Variants in NCALD observed in about 807,000 individuals in gnomAD.
NCALD encodes neurocalcin delta.
Under a neutral mutation model 18.6 loss-of-function variants are expected in NCALD, and 10 were observed. The observed-to-expected ratio is 0.54, with a 90% CI of 0.33 to 0.91. The LOEUF is 0.91. Among genes scored for constraint, NCALD ranks in the 40% least tolerant of loss-of-function variants. The pLI is 0.03. For missense variants in NCALD, 184 were observed against 247.6 expected (o/e 0.74, Z 1.72); for synonymous variants, 88 against 87.4 (o/e 1.01, Z -0.04).
At chr8:101,691,850 C>A in intron 3 of NCALD, 1 of 985,428 alleles carries the variant, frequency 1.0e-6, no homozygotes, top group Non-Finnish European at 1.2e-6. Flanking sequence ...GACCCAAGTG[C>A]CTGTGCACAT....
chr8:101,719,489 C>T lies in NCALD; in HGVS notation c.141G>A (p.Glu47=), dbSNP rs1816249801. ...AAAAGTTCCCATATATTTTCTTAAACTCTTCCATTGACAAATGTCCACTGG... is the reference window on the plus strand; with the variant it reads ...AAAAGTTCCCATATATTTTCTTAAATTCTTCCATTGACAAATGTCCACTGG... The part of the protein sequence containing the change: ...DCPSGHLSME[E]FKKIYGNFFP... The change falls in exon 2 of 4, where the codon GAG becomes GAA. Residue 47 remains glutamate, a synonymous_variant. Transcript: ENST00000220931. The T allele has an allele frequency of 6.2e-7, 1 of 1,614,222 alleles. No individual in the cohort carries two copies. Among genetic ancestry groups the T allele is most frequent in the Non-Finnish European group, 8.5e-7 (1 of 1,180,030 alleles).
chr8:102,001,978 A>C (rs1821491396), intron 2 of NCALD, among the ~76,000 whole-genome samples: 1 of 152,232 alleles, frequency 6.6e-6, no homozygotes, highest in Admixed American at 6.5e-5. Context: ...CTAATGAGCA[A>C]AATAACCAGC....
At chr8:101,996,230 C>G (rs187892294) in intron 2 of NCALD, among the ~76,000 whole-genome samples, 220 of 152,308 alleles carry the variant, frequency 1.4e-3, no homozygotes, top group Non-Finnish European at 2.5e-3. Flanking sequence ...TATTAGGAGC[C>G]ACATCTAACA....
At chr8:101,837,728 A>G (rs1315464814) in intron 4 of NCALD, among the ~76,000 whole-genome samples, 1 of 152,196 alleles carries the variant, frequency 6.6e-6, no homozygotes, top group Non-Finnish European at 1.5e-5. Context: ...GGAAATTACT[A>G]TGGACCTTTA....
intron 1 of NCALD, among the ~76,000 whole-genome samples, chr8:102,094,066 C>T (rs1376167878): frequency 6.6e-6 from 1 of 152,214 alleles, no homozygotes; most frequent in Non-Finnish European, 1.5e-5. Flanking sequence ...TCACCACCCC[C>T]TTCATGATGA....
At chr8:101,879,634 A>G (rs916062035) in intron 4 of NCALD, among the ~76,000 whole-genome samples, 1 of 152,178 alleles carries the variant, frequency 6.6e-6, no homozygotes, top group Non-Finnish European at 1.5e-5. Flanking sequence ...GGCCCCACCC[A>G]CATCCTGTTG....
At chr8:101,735,478 C>T (rs914462180) in intron 1 of NCALD, among the ~76,000 whole-genome samples, 9 of 150,994 alleles carry the variant, frequency 6.0e-5, no homozygotes, top group Non-Finnish European at 8.8e-5. Flanking sequence ...AGCCTCCCCT[C>T]TCAGGTCTGC....
intron 4 of NCALD, among the ~76,000 whole-genome samples, chr8:101,858,333 A>T (rs1815402967): frequency 6.6e-6 from 1 of 152,210 alleles, no homozygotes; most frequent in African/African-American, 2.4e-5. Context: ...AAAAGCCAGA[A>T]AAAGCTCAGG....
chr8:101,981,108 T>C (rs1348356538), intron 2 of NCALD, among the ~76,000 whole-genome samples: 2 of 152,270 alleles, frequency 1.3e-5, no homozygotes, highest in Non-Finnish European at 2.9e-5. Context: ...GTTTTATCTC[T>C]GCAATCAGAT....
At chr8:101,914,433 G>C (rs1055193954) in intron 3 of NCALD, among the ~76,000 whole-genome samples, 4 of 152,046 alleles carry the variant, frequency 2.6e-5, no homozygotes, top group Non-Finnish European at 5.9e-5. Flanking sequence ...TGTTTGCTTG[G>C]GTTTCTCCAT....
intron 3 of NCALD, chr8:101,690,794 T>C (rs1411900363): frequency 4.1e-6 from 4 of 985,256 alleles, no homozygotes; most frequent in Non-Finnish European, 4.8e-6. Flanking sequence ...GTAGTTACAA[T>C]GGTAATGACT....
chr8:101,689,462 C>G lies in NCALD; in HGVS notation c.485-56G>C, dbSNP rs1192106779. The G allele has an allele frequency of 1.5e-6, 2 of 1,366,364 alleles. No homozygotes were observed. Among genetic ancestry groups the G allele is most frequent in the Non-Finnish European group, 2.0e-6 (2 of 978,638 alleles). The allele number at this position is 1,366,364 out of a possible 1,614,324, so 84.6% of individuals were successfully genotyped here. On this transcript the variant is annotated intron_variant, in intron 3 of 3. Transcript: ENST00000220931. The surrounding 1 kb of genome is among the most constrained non-coding windows in gnomAD (Gnocchi z 4.4). Reference sequence around the variant, plus strand: ...CTGGTGGCAGCTGCATGAGCTTACACCCTTCCCACTACTGCGTGCTGGGCA... The same window carrying G: ...CTGGTGGCAGCTGCATGAGCTTACAGCCTTCCCACTACTGCGTGCTGGGCA...
chr8:101,903,578 T>TGC (rs1450743965), intron 3 of NCALD, among the ~76,000 whole-genome samples: 1 of 152,116 alleles, frequency 6.6e-6, no homozygotes, highest in Non-Finnish European at 1.5e-5. Context: ...TTGGAAATGT[T>TGC]GCTGTTCTCT....
intron 2 of NCALD, among the ~76,000 whole-genome samples, chr8:101,934,314 T>C (rs1386286577): frequency 6.6e-6 from 1 of 151,950 alleles, no homozygotes; most frequent in African/African-American, 2.4e-5. Context: ...AATAGCTAAA[T>C]GGGTTTTGAA....
chr8:101,706,639 G>A (rs1483405818), intron 2 of NCALD, among the ~76,000 whole-genome samples: 3 of 152,198 alleles, frequency 2.0e-5, no homozygotes, highest in Admixed American at 2.0e-4. Context: ...AGATCATCAC[G>A]AATTTGAGTG....
chr8:101,948,119 A>G lies in NCALD; in HGVS notation c.-156-32261T>C, dbSNP rs955049427. Among the ~76,000 whole-genome samples, 3 of 152,250 alleles carry G rather than the reference A, an allele frequency of 2.0e-5. No individual in the cohort carries two copies. The East Asian group carries it at 5.8e-4, about 29-fold the overall frequency. On this transcript the variant is annotated intron_variant, in intron 2 of 6. Transcript: ENST00000311028. The stretch of plus-strand genomic sequence containing the variant: ...TGTGATGGGTTTTATATCTTGAAAA[A>G]GTCCTGTTGACTGCAATGTGAGATA...
intron 4 of NCALD, among the ~76,000 whole-genome samples, chr8:101,811,763 G>T (rs1199046537): frequency 6.6e-6 from 1 of 152,158 alleles, no homozygotes; most frequent in African/African-American, 2.4e-5. Context: ...CTACTGCAGG[G>T]TCTTCACAAC....
chr8:101,997,289 TG>T (rs1272091323), intron 2 of NCALD, among the ~76,000 whole-genome samples: 1 of 152,206 alleles, frequency 6.6e-6, no homozygotes, highest in African/African-American at 2.4e-5. Context: ...GGCCGGACAT[TG>T]TTCCAGGCTA....
intron 4 of NCALD, among the ~76,000 whole-genome samples, chr8:101,880,691 A>G (rs1319525047): frequency 6.6e-6 from 1 of 152,254 alleles, no homozygotes; most frequent in Non-Finnish European, 1.5e-5. Context: ...CATTATACAA[A>G]AAAAAGAAAG....
Sources: allele counts gnomAD v4.1 joint callset (sites outside exome capture counted in the v4.1 genomes callset), GRCh38; gene constraint gnomAD v4.1.1; non-coding constraint Gnocchi (gnomAD v3.1); transcripts MANE v1.5; gene names NCBI Gene and HGNC (gene_info 2026-07-23, HGNC 2026-07-21).